The following TMEM106B variants were observed in gnomAD, a reference collection of about 807,000 sequenced individuals.
The protein encoded by TMEM106B is transmembrane protein 106B.
A neutral mutation model predicts 31.1 loss-of-function variants in TMEM106B; 15 were observed. That is an observed-to-expected ratio of 0.48 (90% CI 0.32 to 0.74). The LOEUF is 0.74. Ranked by LOEUF, TMEM106B falls within the 30% of genes least tolerant of loss-of-function variation. The probability of loss-of-function intolerance (pLI) is 0.03; values close to 1 mark genes in which losing one functional copy is unlikely to be tolerated. For missense variants in TMEM106B, 283 were observed against 327.3 expected (o/e 0.86, Z 1.04); for synonymous variants, 126 against 112.5 (o/e 1.12, Z -0.76).
At chr7:12,214,600 A>C (rs952179563) in intron 1 of TMEM106B, among the ~76,000 whole-genome samples, 1 of 152,136 alleles carries the variant, frequency 6.6e-6, no homozygotes, top group Non-Finnish European at 1.5e-5. Context: ...CTGTAACCCA[A>C]CTACCTTGAG....
In TMEM106B at chr7:12,236,862, C is replaced by G. The variant is rs1782147695; in HGVS notation, c.*4887C>G. 1 of 152,028 alleles carries G rather than the reference C, an allele frequency of 6.6e-6. No homozygotes were observed. The highest frequency in any genetic ancestry group is 2.4e-5 in the African/African-American group (1 of 41,428). 9.4% of individuals were successfully genotyped at this position (152,028 alleles called of 1,614,324 possible). ...TTTCATCTTATATTTTTCTTTAGAACTAAACTATAACAGATTTTGGAAAAT... is the reference window on the plus strand; with the variant it reads ...TTTCATCTTATATTTTTCTTTAGAAGTAAACTATAACAGATTTTGGAAAAT... On this transcript the variant is annotated 3_prime_UTR_variant, in exon 8 of 8. Coordinates refer to ENST00000396668, the MANE Select transcript of TMEM106B (RefSeq NM_001134232.2).
At position 12,233,524 on chromosome 7, in the gene TMEM106B, C is replaced by T. The variant is rs981048789; in HGVS notation, c.*1549C>T. ...CCCTTAATTTTCATATTATTTTCTGCAAGTTTTCTTGAGTATCTTCAATTC... is the reference window on the plus strand; with the variant it reads ...CCCTTAATTTTCATATTATTTTCTGTAAGTTTTCTTGAGTATCTTCAATTC... On this transcript the variant is annotated 3_prime_UTR_variant, in exon 8 of 8. Transcript: ENST00000396668. The T allele has an allele frequency of 6.6e-6, 1 of 151,178 alleles. No homozygotes were observed. The highest frequency in any genetic ancestry group is 1.5e-5 in the Non-Finnish European group (1 of 67,548). The allele number at this position is 151,178 out of a possible 1,614,324, so 9.4% of individuals were successfully genotyped here.
At chr7:12,223,921 G>A (rs949580971) in intron 3 of TMEM106B, among the ~76,000 whole-genome samples, 2 of 151,782 alleles carry the variant, frequency 1.3e-5, no homozygotes, top group Admixed American at 6.6e-5. Context: ...GTTTTTCACT[G>A]TGTTGGTCAG....
intron 2 of TMEM106B, chr7:12,215,501 T>C (rs1781668811): frequency 5.4e-6 from 1 of 185,886 alleles, no homozygotes; most frequent in African/African-American, 2.4e-5. Context: ...CTTCCCAGAG[T>C]GCTAGGATTA....
In TMEM106B at chr7:12,233,193, C is replaced by G. The variant is rs1225970730; in HGVS notation, c.*1218C>G. On this transcript the variant is annotated 3_prime_UTR_variant, in exon 8 of 8. Transcript: ENST00000396668. ...ATTGTTTTCAAATATAGATTATTGA[C>G]TTATTCAACTTTGCTGTTTTATATT... 6.8e-6 allele frequency: 1 copy of G among 147,688 alleles called. No homozygotes were observed. Among genetic ancestry groups the G allele is most frequent in the Non-Finnish European group, 1.5e-5 (1 of 66,862 alleles). The allele number at this position is 147,688 out of a possible 1,614,324, so 9.1% of individuals were successfully genotyped here. A position where few individuals can be genotyped will look rare whatever the true frequency, so the allele number is the denominator to read the frequency against.
chr7:12,229,676 T>G lies in TMEM106B; in HGVS notation c.442-3T>G. The G allele has an allele frequency of 6.4e-7, 1 of 1,554,864 alleles. No individual in the cohort carries two copies. Among genetic ancestry groups the G allele is most frequent in the Non-Finnish European group, 8.7e-7 (1 of 1,154,446 alleles). ...GTAAATTTTCTGTGTCCTTTTTTTG[T>G]AGAACACACTAAATATAACAAACAA... On this transcript the variant is annotated splice_region_variant and splice_polypyrimidine_tract_variant and intron_variant, in intron 4 of 7. Coordinates refer to ENST00000396668, the MANE Select transcript of TMEM106B (RefSeq NM_001134232.2).
chr7:12,215,827 GA>G lies in TMEM106B; in HGVS notation c.217+811del, dbSNP rs915650245. The G allele has an allele frequency of 2.6e-3, 416 of 162,022 alleles. 2 individuals are homozygous for G. Among genetic ancestry groups the G allele is most frequent in the African/African-American group, 5.0e-3 (202 of 40,292 alleles). The allele number at this position is 162,022 out of a possible 1,614,324, so 10.0% of individuals were successfully genotyped here. A position where few individuals can be genotyped will look rare whatever the true frequency, so the allele number is the denominator to read the frequency against. On this transcript the variant is annotated intron_variant, in intron 2 of 7. Coordinates refer to ENST00000396668, the MANE Select transcript of TMEM106B (RefSeq NM_001134232.2). The stretch of plus-strand genomic sequence containing the variant: ...ATGGTACGTGAAAATGAGCCAAATT[GA>G]AAAAAAAAAATTGTTTGTGATATAT...
At chr7:12,224,008 C>T (rs1331464144) in intron 3 of TMEM106B, among the ~76,000 whole-genome samples, 6 of 152,088 alleles carry the variant, frequency 3.9e-5, no homozygotes, top group African/African-American at 1.4e-4. Context: ...CGTGAGCCAC[C>T]GCATCCCGCC....
At chr7:12,230,765 C>T (rs932131191) in intron 6 of TMEM106B, 7 of 323,718 alleles carry the variant, frequency 2.2e-5, no homozygotes, top group Non-Finnish European at 3.9e-5. Flanking sequence ...AGCGTAGATA[C>T]AGACTTTTAG....
chr7:12,225,256 C>G (rs1781877121), intron 4 of TMEM106B, among the ~76,000 whole-genome samples: 1 of 152,178 alleles, frequency 6.6e-6, no homozygotes, highest in Non-Finnish European at 1.5e-5. Flanking sequence ...TTTTCTTAAT[C>G]CAGTCTATAA....
In TMEM106B at chr7:12,229,699, C is replaced by T. The variant is rs200116531; in HGVS notation, c.462C>T (p.Asn154=). Residue 154 remains asparagine (N), a synonymous_variant, in exon 5 of 8, where the codon AAC becomes AAT. Transcript: ENST00000396668. Reference sequence around the variant, plus strand: ...TGTAGAACACACTAAATATAACAAACAATAACTATTACTCTGTCGAAGTTG... The same window carrying T: ...TGTAGAACACACTAAATATAACAAATAATAACTATTACTCTGTCGAAGTTG... ...LNITNTLNIT[N]NNYYSVEVEN... 6.2e-7 allele frequency: 1 copy of T among 1,601,904 alleles called. No individual in the cohort carries two copies. Among genetic ancestry groups the T allele is most frequent in the East Asian group, 2.2e-5 (1 of 44,544 alleles).
At chr7:12,230,765 CAG>C (rs1782005999) in intron 6 of TMEM106B, 1 of 323,716 alleles carries the variant, frequency 3.1e-6, no homozygotes, top group African/African-American at 2.2e-5. Flanking sequence ...AGCGTAGATA[CAG>C]ACTTTTAGGG....
chr7:12,212,751 AGCAG>A (rs1362066201), intron 1 of TMEM106B, among the ~76,000 whole-genome samples: 1 of 152,178 alleles, frequency 6.6e-6, no homozygotes, highest in Non-Finnish European at 1.5e-5. Flanking sequence ...GTACCCACCA[AGCAG>A]GCTCCTATCA....
At chr7:12,220,911 A>G (rs1021874473) in intron 3 of TMEM106B, among the ~76,000 whole-genome samples, 5 of 152,204 alleles carry the variant, frequency 3.3e-5, no homozygotes, top group African/African-American at 1.2e-4. Context: ...AAGGAGAACT[A>G]TATTTTACCA....
intron 3 of TMEM106B, among the ~76,000 whole-genome samples, chr7:12,221,756 G>A (rs1269953667): frequency 1.3e-5 from 2 of 152,142 alleles, no homozygotes; most frequent in Non-Finnish European, 2.9e-5. Flanking sequence ...GATGGAACTG[G>A]GTGTCCAGAA....
Position 12,237,810 on chromosome 7 carries a change from T to TACACACACACACACACAC in TMEM106B, c.*5836_*5837insCACACACACACACACACA, listed in dbSNP as rs1441274612. 20 of 117,938 alleles carry TACACACACACACACACAC rather than the reference T, an allele frequency of 1.7e-4. No individual in the cohort carries two copies. The East Asian group carries it at 1.8e-3, about 11-fold the overall frequency. 7.3% of individuals were successfully genotyped at this position (117,938 alleles called of 1,614,324 possible). ...ACATGGCGAGACCCCATATAAAATATATACATACACACACACACACACACA... is the reference window on the plus strand; with the variant it reads ...ACATGGCGAGACCCCATATAAAATATACACACACACACACACACATACATACACACACACACACACACA... On this transcript the variant is annotated 3_prime_UTR_variant, in exon 8 of 8. Transcript: ENST00000396668.
chr7:12,235,351 A>G lies in TMEM106B; in HGVS notation c.*3376A>G, dbSNP rs894944248. On this transcript the variant is annotated 3_prime_UTR_variant, in exon 8 of 8. Transcript: ENST00000396668. ...AATTGTTTGAAATTACTGAATAACC[A>G]TCTTAAGTATGGAACATTTAAATGG... The G allele has an allele frequency of 6.6e-6, 1 of 152,340 alleles. No homozygotes were observed. Among genetic ancestry groups the G allele is most frequent in the Non-Finnish European group, 1.5e-5 (1 of 67,824 alleles). 9.4% of individuals were successfully genotyped at this position (152,340 alleles called of 1,614,324 possible). A position where few individuals can be genotyped will look rare whatever the true frequency, so the allele number is the denominator to read the frequency against.
intron 4 of TMEM106B, among the ~76,000 whole-genome samples, chr7:12,228,520 T>G (rs949650862): frequency 3.9e-5 from 6 of 151,950 alleles, no homozygotes; most frequent in African/African-American, 1.4e-4. Context: ...ATTTATTCTT[T>G]CTTTTTATGA....
intron 2 of TMEM106B, among the ~76,000 whole-genome samples, chr7:12,216,727 G>C (rs1781694081): frequency 6.6e-6 from 1 of 152,102 alleles, no homozygotes; most frequent in African/African-American, 2.4e-5. Context: ...CATTGTGTGT[G>C]GTATCATGGA....
Sources: allele counts gnomAD v4.1 joint callset (sites outside exome capture counted in the v4.1 genomes callset), GRCh38; gene constraint gnomAD v4.1.1; transcripts MANE v1.5; gene names NCBI Gene and HGNC (gene_info 2026-07-23, HGNC 2026-07-21).